The following CPEB3 variants were observed in gnomAD, a reference collection of about 807,000 sequenced individuals.
The protein encoded by CPEB3 is cytoplasmic polyadenylation element-binding protein 3.
CPEB3 carries 20 observed loss-of-function variants against 67.2 expected under a neutral mutation model. The ratio of observed to expected loss-of-function variants is 0.30; its 90% CI spans 0.21 to 0.43. The LOEUF (loss-of-function observed/expected upper bound fraction) is 0.43. Among genes scored for constraint, CPEB3 ranks in the 20% least tolerant of loss-of-function variants. CPEB3 has a pLI of 1.00. For synonymous variants in CPEB3, 376 were observed against 393.1 expected (o/e 0.96, Z 0.51); for missense variants, 746 against 968.6 (o/e 0.77, Z 3.05).
intron 2 of CPEB3, among the ~76,000 whole-genome samples, chr10:92,199,925 AT>A (rs1849438435): frequency 6.8e-6 from 1 of 147,708 alleles, no homozygotes; most frequent in Admixed American, 6.8e-5. Flanking sequence ...GAGAGAGAGA[AT>A]TATTTTAAAA....
chr10:92,195,570 C>T (rs1448826009), intron 2 of CPEB3, among the ~76,000 whole-genome samples: 1 of 152,090 alleles, frequency 6.6e-6, no homozygotes, highest in Non-Finnish European at 1.5e-5. Context: ...ATTTCTGGCA[C>T]TAACAATCCC....
intron 2 of CPEB3, among the ~76,000 whole-genome samples, chr10:92,225,002 G>A (rs995857861): frequency 2.8e-5 from 4 of 145,396 alleles, no homozygotes; most frequent in South Asian, 4.3e-4. Flanking sequence ...TTGAGGTGGA[G>A]TCACACTCTG....
At chr10:92,102,035 T>A (rs184258882) in intron 7 of CPEB3, among the ~76,000 whole-genome samples, 3 of 152,354 alleles carry the variant, frequency 2.0e-5, no homozygotes, top group Admixed American at 1.3e-4. Context: ...TTAGACTCTT[T>A]ACAGCACACT....
chr10:92,088,424 A>C (rs1258974741), intron 8 of CPEB3, among the ~76,000 whole-genome samples: 1 of 151,798 alleles, frequency 6.6e-6, no homozygotes, highest in Non-Finnish European at 1.5e-5. Context: ...ACAGGGTTTC[A>C]CCATGTTGCC....
chr10:92,155,111 A>C (rs1447833746), intron 4 of CPEB3, among the ~76,000 whole-genome samples: 2 of 152,294 alleles, frequency 1.3e-5, no homozygotes, highest in Non-Finnish European at 1.5e-5. Flanking sequence ...TGGGAGGCTG[A>C]GGCAGGAGAA....
chr10:92,127,304 G>GT (rs1406573328), intron 6 of CPEB3, among the ~76,000 whole-genome samples: 2 of 152,086 alleles, frequency 1.3e-5, no homozygotes, highest in African/African-American at 4.8e-5. Flanking sequence ...GAAAATGCGA[G>GT]TAAGAGGAAT....
chr10:92,251,614 C>T (rs1852305811), intron 1 of CPEB3, among the ~76,000 whole-genome samples: 1 of 151,902 alleles, frequency 6.6e-6, no homozygotes, highest in Non-Finnish European at 1.5e-5. Flanking sequence ...AACTGAATAT[C>T]CATATGGCAA....
intron 9 of CPEB3, among the ~76,000 whole-genome samples, chr10:92,077,133 TGAAAAA>T (rs1296267892): frequency 2.0e-5 from 3 of 152,028 alleles, no homozygotes; most frequent in Non-Finnish European, 4.4e-5. Flanking sequence ...TCATTTTTTC[TGAAAAA>T]GAAAAAGGGC....
intron 2 of CPEB3, chr10:92,204,379 A>G (rs758727614): frequency 1.3e-5 from 2 of 152,180 alleles, no homozygotes; most frequent in Non-Finnish European, 2.9e-5. Flanking sequence ...CAATAAAACA[A>G]CAGCTGTGTC....
Position 92,239,392 on chromosome 10 carries a change from T to C in CPEB3, c.959A>G (p.Asp320Gly), listed in dbSNP as rs748576777. The C allele has an allele frequency of 1.2e-6, 2 of 1,606,020 alleles. No individual in the cohort carries two copies. Among genetic ancestry groups the C allele is most frequent in the Non-Finnish European group, 1.7e-6 (2 of 1,176,348 alleles). Residue 320 changes from aspartate to glycine, a missense_variant, in exon 2 of 10, where the codon GAT (aspartate) becomes GGT (glycine). By Grantham distance (94) the Asp-to-Gly change is moderately conservative. This residue lies in a region of CPEB3 where 643 missense variants were observed against 717.5 expected (regional missense o/e 0.90). Coordinates refer to ENST00000265997, the MANE Select transcript of CPEB3 (RefSeq NM_014912.5). The surrounding 1 kb of genome is among the most constrained non-coding windows in gnomAD (Gnocchi z 6.0). ...ACCATTATCGGTCCGGAAAGCGTTATCCTCCATCCAGGACTTGGAAGTGAG... is the reference window on the plus strand; with the variant it reads ...ACCATTATCGGTCCGGAAAGCGTTACCCTCCATCCAGGACTTGGAAGTGAG... ...APLTSKSWME[D>G]NAFRTDNGNN... is the part of the protein sequence containing the mutation.
chr10:92,166,823 TCTC>T (rs1460690958), intron 4 of CPEB3, among the ~76,000 whole-genome samples: 1 of 152,192 alleles, frequency 6.6e-6, no homozygotes, highest in Non-Finnish European at 1.5e-5. Context: ...GGCACTGACT[TCTC>T]CTCTCTCGTT....
chr10:92,099,375 C>T (rs1444067898), intron 7 of CPEB3, among the ~76,000 whole-genome samples: 1 of 151,494 alleles, frequency 6.6e-6, no homozygotes, highest in Non-Finnish European at 1.5e-5. Flanking sequence ...TGATCTTGAA[C>T]TTAGGGGCCC....
intron 2 of CPEB3, chr10:92,216,748 C>G: frequency 1.9e-6 from 3 of 1,609,550 alleles, no homozygotes; most frequent in African/African-American, 1.3e-5. Flanking sequence ...AGGAGGCTTA[C>G]GACGAGTGCC....
chr10:92,187,413 G>A (rs776404608), intron 3 of CPEB3, among the ~76,000 whole-genome samples: 4 of 152,146 alleles, frequency 2.6e-5, no homozygotes, highest in Admixed American at 6.5e-5. Flanking sequence ...TACTAGGCAC[G>A]AACCCCAGAT....
chr10:92,179,712 C>T (rs1194135451), intron 4 of CPEB3, among the ~76,000 whole-genome samples: 2 of 152,178 alleles, frequency 1.3e-5, no homozygotes, highest in Admixed American at 1.3e-4. Flanking sequence ...GGGATACTAG[C>T]AATCTAGAAA....
intron 1 of CPEB3, among the ~76,000 whole-genome samples, chr10:92,287,133 CTT>C (rs377070575): frequency 3.5e-5 from 5 of 144,422 alleles, no homozygotes; most frequent in Admixed American, 1.4e-4. Flanking sequence ...TTATCATAGA[CTT>C]TTTTTTTTTT....
intron 2 of CPEB3, among the ~76,000 whole-genome samples, chr10:92,219,218 A>G (rs1243580886): frequency 6.6e-6 from 1 of 152,200 alleles, no homozygotes; most frequent in African/African-American, 2.4e-5. Flanking sequence ...AAACTGGAAT[A>G]TAAAATGGGC....
At chr10:92,271,725 T>C (rs11186888) in intron 1 of CPEB3, among the ~76,000 whole-genome samples, 33,778 of 152,132 alleles carry the variant, frequency 0.22, 4,714 homozygotes, top group Middle Eastern at 0.34. Context: ...TCTACCAGAT[T>C]CGGCCATTGT....
At chr10:92,244,629 G>T (rs1210674815) in intron 1 of CPEB3, among the ~76,000 whole-genome samples, 1 of 151,784 alleles carries the variant, frequency 6.6e-6, no homozygotes, top group African/African-American at 2.4e-5. Context: ...AGTAGAAAAG[G>T]GTTTTCACTG....
Sources: allele counts gnomAD v4.1 joint callset (sites outside exome capture counted in the v4.1 genomes callset), GRCh38; gene constraint gnomAD v4.1.1; regional missense constraint gnomAD v4.1.1; non-coding constraint Gnocchi (gnomAD v3.1); transcripts MANE v1.5; gene names NCBI Gene and HGNC (gene_info 2026-07-23, HGNC 2026-07-21).